The following XXYLT1 variants were observed in gnomAD, a reference collection of about 807,000 sequenced individuals.
The protein encoded by XXYLT1 is xyloside xylosyltransferase 1, also known as UDP-xylose:alpha-xyloside alpha-1,3-xylosyltransferase.
A neutral mutation model predicts 28.9 loss-of-function variants in XXYLT1; 20 were observed. The observed-to-expected ratio is 0.69, with a 90% confidence interval of 0.49 to 1.00. The LOEUF (loss-of-function observed/expected upper bound fraction) is 1.00, where lower values mean the gene tolerates loss of function less well. Ranked by LOEUF, XXYLT1 falls within the 50% of genes least tolerant of loss-of-function variation. The pLI is 0.00. For synonymous variants in XXYLT1, 257 were observed against 253.8 expected, an observed-to-expected ratio of 1.01 and a Z score of -0.12; for missense variants, 542 against 560.1, an observed-to-expected ratio of 0.97 and a Z score of 0.33.
chr3:195,250,971 G>A (rs1336284893), intron 1 of XXYLT1, among the ~76,000 whole-genome samples: 3 of 152,222 alleles, frequency 2.0e-5, no homozygotes, highest in Admixed American at 6.5e-5. Context: ...AGCAGCACTC[G>A]TTTGCCTCTG....
rs187274800 is a variant in XXYLT1, at chr3:195,240,343, G to A, written c.505-13487C>T. On this transcript the variant is annotated intron_variant, in intron 1 of 3. Coordinates refer to ENST00000310380, the MANE Select transcript of XXYLT1 (RefSeq NM_152531.5). The surrounding 1 kb of genome is among the most constrained non-coding windows in gnomAD (Gnocchi z 4.7). ...AGCCTGGTGCCAGGCAGAAGCAGGCGTCTTTGCCACCCAGCCCTGTGCTCG... is the reference window on the plus strand; with the variant it reads ...AGCCTGGTGCCAGGCAGAAGCAGGCATCTTTGCCACCCAGCCCTGTGCTCG... Among the ~76,000 whole-genome samples, 271 of 152,328 alleles carry A rather than the reference G, an allele frequency of 1.8e-3. No homozygotes were observed. Among genetic ancestry groups the A allele is most frequent in the African/African-American group, 5.4e-3 (225 of 41,574 alleles).
At chr3:195,119,505 C>A (rs866210941) in intron 3 of XXYLT1, among the ~76,000 whole-genome samples, 6 of 152,066 alleles carry the variant, frequency 3.9e-5, no homozygotes, top group Non-Finnish European at 5.9e-5. Context: ...CTTTTCCCAA[C>A]AAGAAGACAG....
intron 2 of XXYLT1, among the ~76,000 whole-genome samples, chr3:195,215,268 G>A (rs1268792008): frequency 1.4e-5 from 2 of 145,596 alleles, no homozygotes; most frequent in African/African-American, 2.5e-5. Context: ...ATCAACTAAC[G>A]AGCAAAATAA....
intron 1 of XXYLT1, among the ~76,000 whole-genome samples, chr3:195,260,710 G>A (rs1466540659): frequency 6.6e-6 from 1 of 152,210 alleles, no homozygotes; most frequent in Non-Finnish European, 1.5e-5. Context: ...CAGAGGAGGT[G>A]CCTGGCTGCT....
rs1205046098 is a variant in XXYLT1 at position 195,110,619 on chromosome 3, GGTGT to G, written c.786-40512_786-40509del. 4.5e-5 allele frequency among the ~76,000 whole-genome samples: 3 copies of G among 66,414 alleles called. 1 individual carries two copies. Among genetic ancestry groups the G allele is most frequent in the Admixed American group, 1.6e-4 (1 of 6,450 alleles). The allele number at this position is 66,414 out of a possible 152,430, so 43.6% of individuals were successfully genotyped here. A position where few individuals can be genotyped will look rare whatever the true frequency, so the allele number is the denominator to read the frequency against. On this transcript the variant is annotated intron_variant, in intron 3 of 3. Transcript: ENST00000310380. ...GTGTGCTGTATGTGTGCATGTGTGT[GGTGT>G]GTGTGTGGTGTGTGATGTATAAGTG...
At position 195,210,742 on chromosome 3, in the gene XXYLT1, A is replaced by G. The variant is rs1723277544; in HGVS notation, c.652+15967T>C. ...AACCGAAATGCCTCAAATTTGCTCC[A>G]TAAGAGCTGCCAGAAAATAGTTTTC... On this transcript the variant is annotated intron_variant, in intron 2 of 3. Transcript: ENST00000310380. The surrounding 1 kb of genome is among the most constrained non-coding windows in gnomAD (Gnocchi z 4.8). Among the ~76,000 whole-genome samples the G allele has an allele frequency of 6.6e-6, 1 of 152,244 alleles. No individual in the cohort carries two copies. Among genetic ancestry groups the G allele is most frequent in the Non-Finnish European group, 1.5e-5 (1 of 68,042 alleles).
rs1269327538 is a variant in XXYLT1 at position 195,240,998 on chromosome 3, C to T, written c.505-14142G>A. 6.6e-6 allele frequency among the ~76,000 whole-genome samples: 1 copy of T among 152,208 alleles called. No individual in the cohort carries two copies. The highest frequency in any genetic ancestry group is 1.5e-5 in the Non-Finnish European group (1 of 68,040). ...AAACACAATTCTGAACGGAAGAGGT[C>T]TTAATGTATCAGAAAAGTCACTAAG... is the stretch of plus-strand genomic sequence containing the variant. On this transcript the variant is annotated intron_variant, in intron 1 of 3. Transcript: ENST00000310380. The surrounding 1 kb of genome is among the most constrained non-coding windows in gnomAD (Gnocchi z 4.7).
At chr3:195,095,387 G>A (rs962691258) in intron 3 of XXYLT1, 2 of 153,976 alleles carry the variant, frequency 1.3e-5, no homozygotes, top group African/African-American at 4.8e-5. Context: ...GGTGGGTGAT[G>A]TGGGTTCTCC....
intron 3 of XXYLT1, among the ~76,000 whole-genome samples, chr3:195,114,311 G>A (rs572560138): frequency 6.6e-6 from 1 of 152,276 alleles, no homozygotes; most frequent in African/African-American, 2.4e-5. Flanking sequence ...CCACACCATT[G>A]CACCCAAAAT....
At chr3:195,139,423 C>T (rs1719368440) in intron 3 of XXYLT1, among the ~76,000 whole-genome samples, 1 of 152,226 alleles carries the variant, frequency 6.6e-6, no homozygotes, top group Non-Finnish European at 1.5e-5. Flanking sequence ...ATAAGGCCTG[C>T]TGCTTACGGA....
At position 195,096,749 on chromosome 3, in the gene XXYLT1, T is replaced by G. The variant is rs1461397974; in HGVS notation, c.786-26638A>C. ...TCAACTGGCAATTAAAATCAGAACA[T>G]AGAGACAAGCTTTGTAAAGCTTGGT... On this transcript the variant is annotated intron_variant, in intron 3 of 3. Transcript: ENST00000310380. Among the ~76,000 whole-genome samples, 3 of 152,112 alleles carry G rather than the reference T, an allele frequency of 2.0e-5. No individual in the cohort carries two copies. In the East Asian group the frequency reaches 5.8e-4, roughly 29 times the overall value.
In XXYLT1 at chr3:195,077,872, C is replaced by T. The variant is rs1243475183; in HGVS notation, c.786-7761G>A. Among the ~76,000 whole-genome samples, 1 of 152,204 alleles carries T rather than the reference C, an allele frequency of 6.6e-6. No homozygotes were observed. The highest frequency in any genetic ancestry group is 1.9e-4 in the East Asian group (1 of 5,180). ...AAGGCTTCTCCTGGCCCTCCGCTCCCCGTGCCCAGCCTGCCTGGGGTTGTC... is the reference window on the plus strand; with the variant it reads ...AAGGCTTCTCCTGGCCCTCCGCTCCTCGTGCCCAGCCTGCCTGGGGTTGTC... On this transcript the variant is annotated intron_variant, in intron 3 of 3. Coordinates refer to ENST00000310380, the MANE Select transcript of XXYLT1 (RefSeq NM_152531.5). The surrounding 1 kb of genome is among the most constrained non-coding windows in gnomAD (Gnocchi z 4.8).
intron 3 of XXYLT1, among the ~76,000 whole-genome samples, chr3:195,155,515 C>T (rs768874005): frequency 1.3e-4 from 19 of 151,414 alleles, no homozygotes; most frequent in South Asian, 4.2e-4. Context: ...AATCAAAACC[C>T]GCTTCAGCTG....
chr3:195,194,820 A>T (rs886137329), intron 2 of XXYLT1, among the ~76,000 whole-genome samples: 13 of 152,226 alleles, frequency 8.5e-5, no homozygotes, highest in African/African-American at 3.1e-4. Context: ...AAGATTACAT[A>T]TTATATGATT....
chr3:195,079,286 G>A (rs1484737726), intron 3 of XXYLT1, among the ~76,000 whole-genome samples: 1 of 152,182 alleles, frequency 6.6e-6, no homozygotes, highest in African/African-American at 2.4e-5. Flanking sequence ...GAGAACAGAC[G>A]CCAGGGAGCC....
At chr3:195,082,524 G>T (rs1432038830) in intron 3 of XXYLT1, among the ~76,000 whole-genome samples, 5 of 152,210 alleles carry the variant, frequency 3.3e-5, no homozygotes, top group African/African-American at 1.2e-4. Context: ...AACCTCGTGG[G>T]AGTACAGCAG....
In XXYLT1 at chr3:195,265,687, C is replaced by T. The variant is rs141955748; in HGVS notation, c.504+4868G>A. 3.4e-3 allele frequency among the ~76,000 whole-genome samples: 514 copies of T among 152,298 alleles called. 4 individuals are homozygous for T. The highest frequency in any genetic ancestry group is 0.012 in the African/African-American group (480 of 41,562). On this transcript the variant is annotated intron_variant, in intron 1 of 3. Coordinates refer to ENST00000310380, the MANE Select transcript of XXYLT1 (RefSeq NM_152531.5). ...AGTAGAACCATGTGATGAGACTGGACCCGAAACAATACACACAGCAGCACT... is the reference window on the plus strand; with the variant it reads ...AGTAGAACCATGTGATGAGACTGGATCCGAAACAATACACACAGCAGCACT...
At chr3:195,172,743 T>C (rs1577107041) in intron 2 of XXYLT1, among the ~76,000 whole-genome samples, 2 of 152,124 alleles carry the variant, frequency 1.3e-5, no homozygotes, top group Non-Finnish European at 2.9e-5. Flanking sequence ...TGGCATCGGA[T>C]AGTCAGGGAA....
At chr3:195,178,187 G>C (rs1405693201) in intron 2 of XXYLT1, among the ~76,000 whole-genome samples, 10 of 151,012 alleles carry the variant, frequency 6.6e-5, no homozygotes, top group Non-Finnish European at 8.8e-5. Flanking sequence ...TTCCCCTTCT[G>C]CCCCACATCT....
Sources: gnomAD v4.1 joint callset for allele counts (sites outside exome capture counted in the v4.1 genomes callset) on GRCh38, gnomAD v4.1.1 for gene constraint, Gnocchi (gnomAD v3.1) non-coding constraint, MANE v1.5 for transcripts, NCBI Gene and HGNC (gene_info 2026-07-23, HGNC 2026-07-21) for gene names.